HTRA4: variants seen among roughly 807,000 people sequenced by gnomAD.
HTRA4 encodes HtrA serine peptidase 4, also known as serine protease HTRA4.
HTRA4 carries 46 observed loss-of-function variants against 49.1 expected under a neutral mutation model. The observed-to-expected ratio is 0.94, with a 90% CI of 0.74 to 1.20. HTRA4 has a LOEUF of 1.20. Ranked by LOEUF, HTRA4 falls within the 50% of genes most tolerant of loss-of-function variation. HTRA4 has a pLI of 0.00. For synonymous variants in HTRA4, 261 were observed against 264.0 expected (o/e 0.99, Z 0.11); for missense variants, 602 against 636.9 (o/e 0.95, Z 0.59).
In HTRA4 at chr8:38,981,742, A is replaced by C. The variant is rs1233400480; in HGVS notation, c.1089A>C (p.Ala363=). Residue 363 remains alanine (A), a synonymous_variant, in exon 6 of 9, where the codon GCA becomes GCC. Transcript: ENST00000302495. ...CAGATCGAGTTAGGCAGTTCTTGGC[A>C]GAATACCATGAGCACCAGATGAAAG... The part of the protein sequence containing the change: ...IPSDRVRQFL[A]EYHEHQMKGK... 6.2e-7 allele frequency: 1 copy of C among 1,613,174 alleles called. No homozygotes were observed. The highest frequency in any genetic ancestry group is 1.1e-5 in the South Asian group (1 of 91,034).
intron 5 of HTRA4, among the ~76,000 whole-genome samples, chr8:38,981,325 C>T (rs1835421329): frequency 1.3e-5 from 2 of 151,686 alleles, no homozygotes; most frequent in Non-Finnish European, 2.9e-5. Flanking sequence ...GTGATCCGCC[C>T]GCCTCGGCCT....
At chr8:38,976,009 C>T (rs1835346898) in intron 2 of HTRA4, among the ~76,000 whole-genome samples, 1 of 152,194 alleles carries the variant, frequency 6.6e-6, no homozygotes, top group African/African-American at 2.4e-5. Context: ...AGAGCTGGAC[C>T]CCACTCTCAA....
At chr8:38,975,784 A>C (rs2129426921) in intron 2 of HTRA4, among the ~76,000 whole-genome samples, 1 of 152,296 alleles carries the variant, frequency 6.6e-6, no homozygotes, top group African/African-American at 2.4e-5. Flanking sequence ...GAGCAGGGTT[A>C]ATTTGTCCTA....
rs1198920571 is a variant in HTRA4 at position 38,988,293 on chromosome 8, T to C, written c.*195T>C. 4.2e-6 allele frequency: 2 copies of C among 475,956 alleles called. No individual in the cohort carries two copies. The highest frequency in any genetic ancestry group is 7.3e-6 in the Non-Finnish European group (2 of 273,628). The allele number at this position is 475,956 out of a possible 1,614,324, so 29.5% of individuals were successfully genotyped here. A position where few individuals can be genotyped will look rare whatever the true frequency, so the allele number is the denominator to read the frequency against. On this transcript the variant is annotated 3_prime_UTR_variant, in exon 9 of 9. Coordinates refer to ENST00000302495, the MANE Select transcript of HTRA4 (RefSeq NM_153692.4). ...AATGTGGTACATATACACCATGGAA[T>C]ACTATGCAGCCATAAAAAGCAACAG...
At chr8:38,986,723 C>A (rs775229278) in intron 8 of HTRA4, among the ~76,000 whole-genome samples, 1 of 152,186 alleles carries the variant, frequency 6.6e-6, no homozygotes, top group Non-Finnish European at 1.5e-5. Flanking sequence ...CCTGGCTGAA[C>A]CCTTCTATTA....
Position 38,974,653 on chromosome 8 carries a change from G to GGCCGAAAACCGC in HTRA4, c.395_406dup (p.Glu132_Ala135dup). Reference sequence around the variant, plus strand: ...CCTACCCCAGCATGTGCGCGCTCCGGGCCGAAAACCGCGCCGCGCGCCGCC... The same window carrying GGCCGAAAACCGC: ...CCTACCCCAGCATGTGCGCGCTCCGGGCCGAAAACCGCGCCGAAAACCGCGCCGCGCGCCGCC... On this transcript the variant is annotated inframe_insertion, in exon 1 of 9. Transcript: ENST00000302495. 1 of 1,404,524 alleles carries GGCCGAAAACCGC rather than the reference G, an allele frequency of 7.1e-7. No homozygotes were observed. The highest frequency in any genetic ancestry group is 9.2e-7 in the Non-Finnish European group (1 of 1,088,910). 87.0% of individuals were successfully genotyped at this position (1,404,524 alleles called of 1,614,324 possible). A position where few individuals can be genotyped will look rare whatever the true frequency, so the allele number is the denominator to read the frequency against.
rs1411587520 is a variant in HTRA4, at chr8:38,974,371, C to G, written c.108C>G (p.Thr36=). The G allele has an allele frequency of 2.5e-6, 4 of 1,597,408 alleles. No homozygotes were observed. The highest frequency in any genetic ancestry group is 3.4e-6 in the Non-Finnish European group (4 of 1,173,050). Residue 36 remains threonine (T), a synonymous_variant, in exon 1 of 9, where the codon ACC becomes ACG. Coordinates refer to ENST00000302495, the MANE Select transcript of HTRA4 (RefSeq NM_153692.4). ...GGGCCGGGGCTGAAAAGCTACATAC[C>G]CAGCCCTCCTGCCCCGCGGTCTGCC... ...VLWAGAEKLH[T]QPSCPAVCQP... is the part of the protein sequence containing the mutation.
Position 38,987,997 on chromosome 8 carries a change from A to G in HTRA4, c.1330A>G (p.Thr444Ala). ...AAATGGGAAACCTATTACTACTACAACTGATGTTGTTAAAGCTCTTGACAG... is the reference window on the plus strand; with the variant it reads ...AAATGGGAAACCTATTACTACTACAGCTGATGTTGTTAAAGCTCTTGACAG... ...NINGKPITTT[T>A]DVVKALDSDS... The change falls in exon 9 of 9, where the codon ACT (threonine) becomes GCT (alanine). Residue 444 changes from threonine to alanine, a missense_variant. Coordinates refer to ENST00000302495, the MANE Select transcript of HTRA4 (RefSeq NM_153692.4). 3 of 1,612,048 alleles carry G rather than the reference A, an allele frequency of 1.9e-6. No individual in the cohort carries two copies. Among genetic ancestry groups the G allele is most frequent in the East Asian group, 2.2e-5 (1 of 44,822 alleles).
intron 1 of HTRA4, 113 bp downstream of exon 1, chr8:38,974,842 C>A: frequency 1.7e-6 from 2 of 1,194,474 alleles, no homozygotes; most frequent in Non-Finnish European, 2.3e-6. Context: ...GCGTCATTTG[C>A]CTCCTGGATT....
rs762443791 is a variant in HTRA4, at chr8:38,974,419, G to A, written c.156G>A (p.Leu52=). 89 of 1,551,772 alleles carry A rather than the reference G, an allele frequency of 5.7e-5. No homozygotes were observed. In the Middle Eastern group the frequency reaches 2.1e-3, roughly 37 times the overall value. ...GCCAGCCCACGCGCTGCCCCGCGCT[G>A]CCCACCTGCGCGCTGGGGACCACGC... ...AVCQPTRCPA[L]PTCALGTTPV... Residue 52 remains leucine, a synonymous_variant, in exon 1 of 9, where the codon CTG becomes CTA. Transcript: ENST00000302495.
intron 3 of HTRA4, among the ~76,000 whole-genome samples, chr8:38,976,946 C>CT (rs1442781570): frequency 3.3e-5 from 5 of 150,964 alleles, no homozygotes; most frequent in Admixed American, 1.3e-4. Context: ...TCTTTTCTTT[C>CT]TTTTTTTTTG....
Position 38,975,005 on chromosome 8 carries a change from A to T in HTRA4, c.467-26A>T, listed in dbSNP as rs1289766585. 18 of 1,611,334 alleles carry T rather than the reference A, an allele frequency of 1.1e-5. No individual in the cohort carries two copies. The East Asian group carries it at 3.3e-4, about 30-fold the overall frequency. On this transcript the variant is annotated intron_variant, in intron 1 of 8. Transcript: ENST00000302495. ...AGCAGGTCTGGTTCCCTCGAGGCGT[A>T]CTCTTGAGCCAGTATTTTTTCATAG...
At chr8:38,981,523 G>C in intron 5 of HTRA4, 130 bp from the exon 6 acceptor site, 1 of 646,898 alleles carries the variant, frequency 1.5e-6, no homozygotes, top group Admixed American at 2.7e-5. Flanking sequence ...CTCTTTTGAA[G>C]TACAAAGTTC....
At chr8:38,977,849 A>C in intron 3 of HTRA4, 104 bp from the exon 4 acceptor site, 1 of 1,185,134 alleles carries the variant, frequency 8.4e-7, no homozygotes, top group Non-Finnish European at 1.2e-6. Flanking sequence ...CCAAGGTGAT[A>C]GAGACAGCGT....
intron 5 of HTRA4, 46 bp downstream of exon 5, chr8:38,979,293 C>A: frequency 6.4e-7 from 1 of 1,567,522 alleles, no homozygotes. Context: ...TCTTAACTTT[C>A]AAAGACTTTA....
intron 8 of HTRA4, among the ~76,000 whole-genome samples, chr8:38,985,317 C>T (rs188980607): frequency 9.9e-5 from 15 of 152,242 alleles, no homozygotes; most frequent in East Asian, 9.7e-4. Context: ...TGTGCCACCA[C>T]GCGCAGCTAA....
chr8:38,979,342 C>A (rs1835392279), intron 5 of HTRA4, 95 bp downstream of exon 5: 1 of 1,146,498 alleles, frequency 8.7e-7, no homozygotes, highest in Non-Finnish European at 1.3e-6. Context: ...TGCCTGTAAT[C>A]CCAGCACATT....
intron 5 of HTRA4, among the ~76,000 whole-genome samples, chr8:38,979,830 A>G (rs1294046979): frequency 6.6e-6 from 1 of 152,194 alleles, no homozygotes; most frequent in Non-Finnish European, 1.5e-5. Context: ...AGCCCTGGAT[A>G]TTAAACCCAG....
rs1176818318 is a variant in HTRA4, at chr8:38,987,839, AAT to A, written c.1269-95_1269-94del. On this transcript the variant is annotated intron_variant, in intron 8 of 8. Transcript: ENST00000302495. ...TCGTTTGTATGCTTAATGCCAGCAA[AAT>A]AGTGCCATTAAGACAGAAATATTAA... 9 of 1,059,638 alleles carry A rather than the reference AAT, an allele frequency of 8.5e-6. No individual in the cohort carries two copies. The African/African-American group carries it at 1.1e-4, about 13-fold the overall frequency. 65.6% of individuals were successfully genotyped at this position (1,059,638 alleles called of 1,614,324 possible). A position where few individuals can be genotyped will look rare whatever the true frequency, so the allele number is the denominator to read the frequency against.
Sources: allele counts gnomAD v4.1 joint callset (sites outside exome capture counted in the v4.1 genomes callset), GRCh38; gene constraint gnomAD v4.1.1; transcripts MANE v1.5; gene names NCBI Gene and HGNC (gene_info 2026-07-23, HGNC 2026-07-21).